The following CACNA1E variants were observed in gnomAD, a reference collection of about 807,000 sequenced individuals.
The protein encoded by CACNA1E is calcium voltage-gated channel subunit alpha1 E, also known as voltage-dependent R-type calcium channel subunit alpha-1E.
Under a neutral mutation model 259.2 loss-of-function variants are expected in CACNA1E, and 40 were observed. That is an observed-to-expected ratio of 0.15 (90% CI 0.12 to 0.20). The LOEUF (loss-of-function observed/expected upper bound fraction) is 0.20. Ranked by LOEUF, CACNA1E falls within the 10% of genes least tolerant of loss-of-function variation. CACNA1E has a pLI of 1.00. For synonymous variants in CACNA1E, 1,104 were observed against 1,138.5 expected (o/e 0.97, Z 0.61); for missense variants, 1,874 against 3,040.1 (o/e 0.62, Z 9.02).
rs529853000 is a variant in CACNA1E at position 181,399,944 on chromosome 1, A to G, written c.-14-13189A>G. On this transcript the variant is annotated intron_variant, in intron 1 of 11. Coordinates refer to the CACNA1E transcript ENST00000524607. ...AGTAATGGACATTTAAACTGTAAAA[A>G]TTACAGGTGAGGCCCTAAGTGGTAA... Among the ~76,000 whole-genome samples, 498 of 152,370 alleles carry G rather than the reference A, an allele frequency of 3.3e-3. 8 individuals are homozygous for G. The South Asian group carries it at 0.055, about 17-fold the overall frequency.
chr1:181,646,898 G>T (rs1658318030), intron 6 of CACNA1E, among the ~76,000 whole-genome samples: 1 of 152,240 alleles, frequency 6.6e-6, no homozygotes, highest in Non-Finnish European at 1.5e-5. Context: ...ACAATGTCAG[G>T]ACTGGTACCC....
chr1:181,391,939 C>CTGTGTGTGTGTGTGTGTG (rs1227455808), intron 1 of CACNA1E, among the ~76,000 whole-genome samples: 8 of 110,960 alleles, frequency 7.2e-5, no homozygotes, highest in Admixed American at 3.6e-4. Flanking sequence ...CTCTCTCTCT[C>CTGTGTGTGTGTGTGTGTG]TCTCTCTGTG....
At chr1:181,733,885 G>T (rs1449778545) in intron 21 of CACNA1E, 135 bp downstream of exon 21, 1 of 621,394 alleles carries the variant, frequency 1.6e-6, no homozygotes. Context: ...ATGAGTGGCG[G>T]TTTTCTCCCA....
At chr1:181,376,975 G>A (rs1162498102) in intron 1 of CACNA1E, among the ~76,000 whole-genome samples, 1 of 152,110 alleles carries the variant, frequency 6.6e-6, no homozygotes, top group Non-Finnish European at 1.5e-5. Context: ...AGAAGAACTG[G>A]TTAAGGAAAG....
intron 2 of CACNA1E, among the ~76,000 whole-genome samples, chr1:181,435,256 T>G (rs567713679): frequency 6.6e-6 from 1 of 152,346 alleles, no homozygotes; most frequent in South Asian, 2.1e-4. Context: ...TTGCCTATGC[T>G]CTGTGAAGAA....
chr1:181,658,402 T>A (rs1330540701), intron 7 of CACNA1E, among the ~76,000 whole-genome samples: 1 of 152,216 alleles, frequency 6.6e-6, no homozygotes, highest in African/African-American at 2.4e-5. Context: ...AAACCACTTA[T>A]TAGCATTGCG....
chr1:181,795,163 G>C, intron 46 of CACNA1E, 119 bp downstream of exon 46: 1 of 824,242 alleles, frequency 1.2e-6, no homozygotes, highest in South Asian at 1.9e-5. Context: ...GCTGAAGAAA[G>C]TGAAGGATGC....
intron 6 of CACNA1E, among the ~76,000 whole-genome samples, chr1:181,649,485 A>T (rs188612965): frequency 6.6e-6 from 1 of 152,190 alleles, no homozygotes; most frequent in Admixed American, 6.5e-5. Context: ...CAACCCAGCA[A>T]TCCCATTACT....
chr1:181,764,848 C>G (rs552796501), intron 34 of CACNA1E, among the ~76,000 whole-genome samples: 1 of 152,134 alleles, frequency 6.6e-6, no homozygotes, highest in Non-Finnish European at 1.5e-5. Context: ...TATGTGTCAT[C>G]CTGTCATATT....
chr1:181,792,071 G>T (rs1297286825), intron 44 of CACNA1E, among the ~76,000 whole-genome samples: 2 of 152,036 alleles, frequency 1.3e-5, no homozygotes, highest in African/African-American at 4.8e-5. Flanking sequence ...GTCATTCTCT[G>T]CCCTCCCCTC....
At chr1:181,405,049 T>A (rs1198350789) in intron 1 of CACNA1E, among the ~76,000 whole-genome samples, 1 of 152,252 alleles carries the variant, frequency 6.6e-6, no homozygotes, top group Admixed American at 6.5e-5. Flanking sequence ...CCTGGGCTAG[T>A]ACCTTTGAAA....
chr1:181,655,178 T>C (rs1243939799), intron 7 of CACNA1E, among the ~76,000 whole-genome samples: 1 of 152,110 alleles, frequency 6.6e-6, no homozygotes, highest in Non-Finnish European at 1.5e-5. Context: ...TTTACTTTAA[T>C]GATAATTTTT....
At chr1:181,410,366 G>C (rs934261511) in intron 1 of CACNA1E, among the ~76,000 whole-genome samples, 6 of 152,116 alleles carry the variant, frequency 3.9e-5, no homozygotes, top group African/African-American at 1.4e-4. Flanking sequence ...GGCCTTGGTG[G>C]CCAAGTACCG....
At chr1:181,541,814 C>A (rs1668608272) in intron 3 of CACNA1E, among the ~76,000 whole-genome samples, 2 of 152,192 alleles carry the variant, frequency 1.3e-5, no homozygotes, top group Admixed American at 1.3e-4. Flanking sequence ...TGCCTGGGTT[C>A]AAATCTCAGC....
chr1:181,742,853 G>A (rs1656707343), intron 25 of CACNA1E, among the ~76,000 whole-genome samples: 1 of 152,166 alleles, frequency 6.6e-6, no homozygotes, highest in African/African-American at 2.4e-5. Context: ...TTAAGGGAAC[G>A]TTTATAATGT....
chr1:181,553,955 A>C (rs1648455753), intron 3 of CACNA1E, among the ~76,000 whole-genome samples: 2 of 152,106 alleles, frequency 1.3e-5, no homozygotes, highest in Non-Finnish European at 2.9e-5. Flanking sequence ...AGCCACAGAG[A>C]GGTAAAATAA....
intron 1 of CACNA1E, among the ~76,000 whole-genome samples, chr1:181,337,871 T>C (rs1230982494): frequency 1.3e-5 from 2 of 152,246 alleles, no homozygotes; most frequent in Admixed American, 6.5e-5. Flanking sequence ...TTTGGCTATA[T>C]AACCAGCAGA....
At chr1:181,441,569 G>A (rs1275745020) in intron 2 of CACNA1E, among the ~76,000 whole-genome samples, 3 of 152,224 alleles carry the variant, frequency 2.0e-5, no homozygotes, top group South Asian at 2.1e-4. Context: ...GAAATTCCAA[G>A]TTTGCTCTGT....
chr1:181,454,870 T>C (rs534466307), intron 2 of CACNA1E, among the ~76,000 whole-genome samples: 10 of 133,858 alleles, frequency 7.5e-5, no homozygotes, highest in South Asian at 2.2e-4. Context: ...AAAAGTTGGA[T>C]AAACAATACA....
Sources: allele counts gnomAD v4.1 joint callset (sites outside exome capture counted in the v4.1 genomes callset), GRCh38; gene constraint gnomAD v4.1.1; transcripts MANE v1.5; gene names NCBI Gene and HGNC (gene_info 2026-07-23, HGNC 2026-07-21).